Variants in CNTN5 observed in about 807,000 individuals in gnomAD.
The protein encoded by CNTN5 is contactin 5.
In CNTN5, 77 loss-of-function variants were observed where a neutral mutation model predicts 129.1. The observed-to-expected ratio is 0.60, with a 90% CI of 0.50 to 0.72. The LOEUF (loss-of-function observed/expected upper bound fraction) is 0.72, where lower values mean the gene tolerates loss of function less well. Ranked by LOEUF, CNTN5 falls within the 30% of genes least tolerant of loss-of-function variation. The pLI is 0.00. For missense variants in CNTN5, 1,478 were observed against 1,328.8 expected, an observed-to-expected ratio of 1.11 and a Z score of -1.75; for synonymous variants, 509 against 465.6, an observed-to-expected ratio of 1.09 and a Z score of -1.20.
chr11:99,833,261 C>T (rs1480851503), intron 4 of CNTN5, among the ~76,000 whole-genome samples: 2 of 152,080 alleles, frequency 1.3e-5, no homozygotes, highest in African/African-American at 4.8e-5. Context: ...CTAACTTGAT[C>T]CTAGGACAGG....
chr11:99,135,896 C>T (rs1457424484), intron 1 of CNTN5, among the ~76,000 whole-genome samples: 1 of 152,086 alleles, frequency 6.6e-6, no homozygotes, highest in African/African-American at 2.4e-5. Context: ...TAGATTCCTT[C>T]TGTTTAGCAC....
intron 6 of CNTN5, among the ~76,000 whole-genome samples, chr11:99,862,501 A>G (rs188476567): frequency 3.7e-4 from 56 of 152,258 alleles, no homozygotes; most frequent in African/African-American, 1.3e-3. Flanking sequence ...ACAGTATTGT[A>G]CAAAGGAGTA....
intron 9 of CNTN5, among the ~76,000 whole-genome samples, chr11:100,015,513 A>C (rs1326933062): frequency 6.6e-6 from 1 of 152,118 alleles, no homozygotes; most frequent in South Asian, 2.1e-4. Context: ...AAGTGCACAC[A>C]CTTCCCTGTG....
chr11:99,722,064 A>G (rs943161250), intron 3 of CNTN5, among the ~76,000 whole-genome samples: 1 of 152,192 alleles, frequency 6.6e-6, no homozygotes, highest in Non-Finnish European at 1.5e-5. Context: ...ATTGTGGGAA[A>G]GCAGTATAGC....
At chr11:99,598,323 T>C in intron 3 of CNTN5, among the ~76,000 whole-genome samples, 2 of 30,572 alleles carry the variant, frequency 6.5e-5, no homozygotes, top group Admixed American at 6.0e-4. Flanking sequence ...TCTTTTCTTT[T>C]CTGTCCCTCT....
chr11:99,159,386 G>A (rs780872413), intron 1 of CNTN5, among the ~76,000 whole-genome samples: 1 of 152,182 alleles, frequency 6.6e-6, no homozygotes, highest in Non-Finnish European at 1.5e-5. Context: ...ACTTTGGGAG[G>A]CTGAGGCGGA....
intron 3 of CNTN5, among the ~76,000 whole-genome samples, chr11:99,558,978 A>T (rs1308624398): frequency 6.6e-6 from 1 of 152,084 alleles, no homozygotes. Flanking sequence ...ATCAAGAATG[A>T]TTATGTTCAA....
At chr11:99,883,703 T>G (rs1468736150) in intron 6 of CNTN5, among the ~76,000 whole-genome samples, 1 of 152,218 alleles carries the variant, frequency 6.6e-6, no homozygotes, top group Non-Finnish European at 1.5e-5. Flanking sequence ...TTTATGTATT[T>G]ATAAAGTATG....
At chr11:99,818,592 A>G (rs1024988937) in intron 3 of CNTN5, among the ~76,000 whole-genome samples, 8 of 152,242 alleles carry the variant, frequency 5.3e-5, no homozygotes, top group East Asian at 1.9e-4. Context: ...TTCCAAGATC[A>G]GCAAATTGTC....
chr11:99,881,654 A>AG (rs551563016), intron 6 of CNTN5, among the ~76,000 whole-genome samples: 1,889 of 152,282 alleles, frequency 0.012, 23 homozygotes, highest in Non-Finnish European at 0.02. Context: ...AATAAAATAA[A>AG]GGGGGGGAGC....
chr11:99,296,470 A>G (rs528419852), intron 1 of CNTN5, among the ~76,000 whole-genome samples: 18 of 152,340 alleles, frequency 1.2e-4, no homozygotes, highest in African/African-American at 2.9e-4. Context: ...ATAATAATCT[A>G]CTTTTATAAT....
intron 3 of CNTN5, among the ~76,000 whole-genome samples, chr11:99,610,324 A>G (rs1950556896): frequency 6.6e-6 from 1 of 152,138 alleles, no homozygotes; most frequent in Admixed American, 6.6e-5. Context: ...CTGATGCATC[A>G]TATTCTATCT....
intron 3 of CNTN5, among the ~76,000 whole-genome samples, chr11:99,764,366 T>TA (rs34573820): frequency 0.47 from 70,974 of 150,574 alleles, 17,167 homozygotes; most frequent in Non-Finnish European, 0.55. Context: ...TCAGCCACAT[T>TA]AAAAAAAAAT....
At chr11:100,209,301 G>C (rs1424522670) in intron 15 of CNTN5, among the ~76,000 whole-genome samples, 2 of 152,114 alleles carry the variant, frequency 1.3e-5, no homozygotes, top group East Asian at 3.9e-4. Context: ...ATAATCATTT[G>C]TACAACCCTA....
intron 2 of CNTN5, among the ~76,000 whole-genome samples, chr11:99,481,386 A>G (rs17133592): frequency 0.022 from 3,288 of 152,144 alleles, 159 homozygotes; most frequent in East Asian, 0.13. Flanking sequence ...CTATTTTCTG[A>G]GCCTCTAATA....
At chr11:99,104,954 G>A (rs1866925992) in intron 1 of CNTN5, among the ~76,000 whole-genome samples, 1 of 152,160 alleles carries the variant, frequency 6.6e-6, no homozygotes, top group Non-Finnish European at 1.5e-5. Flanking sequence ...CCCTGTTGGT[G>A]AGGAAGTGGT....
At chr11:99,633,969 A>T (rs143870386) in intron 3 of CNTN5, among the ~76,000 whole-genome samples, 1 of 152,182 alleles carries the variant, frequency 6.6e-6, no homozygotes, top group African/African-American at 2.4e-5. Flanking sequence ...TGAGGTCCAG[A>T]TACAGCAAAA....
intron 1 of CNTN5, among the ~76,000 whole-genome samples, chr11:99,208,298 C>G (rs1434543665): frequency 1.3e-5 from 2 of 152,096 alleles, no homozygotes; most frequent in East Asian, 3.9e-4. Flanking sequence ...GCAGAAATTA[C>G]ATTTACAGTG....
At chr11:99,796,400 G>A (rs190149440) in intron 3 of CNTN5, among the ~76,000 whole-genome samples, 22 of 152,134 alleles carry the variant, frequency 1.4e-4, no homozygotes, top group African/African-American at 4.8e-4. Flanking sequence ...AAGTGATAGG[G>A]GGGTAGCCAT....
Sources: allele counts gnomAD v4.1 joint callset (sites outside exome capture counted in the v4.1 genomes callset), GRCh38; gene constraint gnomAD v4.1.1; transcripts MANE v1.5; gene names NCBI Gene and HGNC (gene_info 2026-07-23, HGNC 2026-07-21).